LCORL: variants seen among roughly 807,000 people sequenced by gnomAD.
LCORL encodes ligand dependent nuclear receptor corepressor like, also known as ligand-dependent nuclear receptor corepressor-like protein.
A neutral mutation model predicts 141.8 loss-of-function variants in LCORL; 41 were observed. The ratio of observed to expected loss-of-function variants is 0.29; its 90% CI spans 0.23 to 0.38. LCORL has a LOEUF of 0.38. Ranked by LOEUF, LCORL falls within the 10% of genes least tolerant of loss-of-function variation. The probability of loss-of-function intolerance (pLI) is 1.00; values close to 1 mark genes in which losing one functional copy is unlikely to be tolerated. For synonymous variants in LCORL, 618 were observed against 694.1 expected (o/e 0.89, Z 1.72); for missense variants, 1,759 against 2,035.0 (o/e 0.86, Z 2.61).
chr4:18,021,803 G>A lies in LCORL; in HGVS notation c.-52C>T, dbSNP rs1227995459. 3.5e-6 allele frequency: 5 copies of A among 1,418,276 alleles called. No homozygotes were observed. Among genetic ancestry groups the A allele is most frequent in the Non-Finnish European group, 4.6e-6 (5 of 1,094,526 alleles). The allele number at this position is 1,418,276 out of a possible 1,614,324, so 87.9% of individuals were successfully genotyped here. A position where few individuals can be genotyped will look rare whatever the true frequency, so the allele number is the denominator to read the frequency against. ...TTACATACGAGCAGCGCAGGCACGA[G>A]GCAGGGGCGCGAGCCCTCGGCGCGA... On this transcript the variant is annotated 5_prime_UTR_variant, in exon 1 of 8. Transcript: ENST00000635767. This position sits in a 1 kb window ranked among gnomAD's most constrained non-coding sequence, Gnocchi z 5.5.
chr4:17,981,719 G>A (rs574426610), intron 1 of LCORL, among the ~76,000 whole-genome samples: 215 of 152,196 alleles, frequency 1.4e-3, no homozygotes, highest in Non-Finnish European at 2.5e-3. Context: ...CTCTAGCCTG[G>A]ATGACAGGCT....
intron 7 of LCORL, among the ~76,000 whole-genome samples, chr4:17,865,973 A>T (rs1008160569): frequency 6.6e-6 from 1 of 152,182 alleles, no homozygotes; most frequent in Non-Finnish European, 1.5e-5. Context: ...TTCCAATTTA[A>T]ATCTCCGCCC....
chr4:17,931,737 T>G (rs1308246189), intron 4 of LCORL, among the ~76,000 whole-genome samples: 1 of 152,154 alleles, frequency 6.6e-6, no homozygotes, highest in African/African-American at 2.4e-5. Context: ...AAAAATTTTT[T>G]GTGAATGTTC....
At chr4:17,899,362 G>A (rs1730513808) in intron 5 of LCORL, among the ~76,000 whole-genome samples, 1 of 151,734 alleles carries the variant, frequency 6.6e-6, no homozygotes, top group African/African-American at 2.4e-5. Context: ...CAGGGGGCAA[G>A]CCAAAAAAAA....
At chr4:17,899,278 T>C (rs1730494106) in intron 5 of LCORL, among the ~76,000 whole-genome samples, 1 of 152,198 alleles carries the variant, frequency 6.6e-6, no homozygotes, top group Non-Finnish European at 1.5e-5. Flanking sequence ...TTTCTTTTGT[T>C]TATACATTGA....
chr4:17,950,080 T>C (rs1023327338), intron 4 of LCORL, among the ~76,000 whole-genome samples: 19 of 152,174 alleles, frequency 1.2e-4, no homozygotes, highest in African/African-American at 4.6e-4. Flanking sequence ...TCAACATTAC[T>C]TTTTAAGTGG....
At chr4:17,978,349 A>G (rs1401770594) in intron 1 of LCORL, among the ~76,000 whole-genome samples, 1 of 152,136 alleles carries the variant, frequency 6.6e-6, no homozygotes, top group African/African-American at 2.4e-5. Flanking sequence ...TAATACCAAG[A>G]ACTTGAGAGG....
At chr4:17,916,643 CTTTTTTTT>C (rs1057287592) in intron 4 of LCORL, among the ~76,000 whole-genome samples, 1 of 113,134 alleles carries the variant, frequency 8.8e-6, no homozygotes, top group African/African-American at 3.3e-5. Flanking sequence ...AATTAAATGT[CTTTTTTTT>C]TTTTTTTTTT....
chr4:17,915,333 A>T (rs2109350304), intron 4 of LCORL, among the ~76,000 whole-genome samples: 1 of 152,342 alleles, frequency 6.6e-6, no homozygotes, highest in Non-Finnish European at 1.5e-5. Flanking sequence ...TTGTAGCCTC[A>T]TGAACAAGTG....
chr4:17,879,626 C>T (rs1419498285), intron 6 of LCORL, among the ~76,000 whole-genome samples: 1 of 150,870 alleles, frequency 6.6e-6, no homozygotes, highest in Non-Finnish European at 1.5e-5. Flanking sequence ...GATTCAATTA[C>T]ATAGTTTTAA....
At chr4:18,012,639 C>A (rs1293882980) in intron 1 of LCORL, among the ~76,000 whole-genome samples, 1 of 151,960 alleles carries the variant, frequency 6.6e-6, no homozygotes, top group Non-Finnish European at 1.5e-5. Flanking sequence ...GTTACACATA[C>A]CACATCTCAG....
intron 1 of LCORL, among the ~76,000 whole-genome samples, chr4:17,990,288 T>C (rs1165984551): frequency 2.0e-5 from 3 of 151,776 alleles, no homozygotes; most frequent in Non-Finnish European, 4.4e-5. Context: ...TTAGTACAGA[T>C]GGGGGTTTCA....
intron 5 of LCORL, among the ~76,000 whole-genome samples, chr4:17,896,520 G>C (rs1729951995): frequency 6.6e-6 from 1 of 152,156 alleles, no homozygotes; most frequent in Non-Finnish European, 1.5e-5. Context: ...GACCTCAGGT[G>C]ATCCACCCGC....
At chr4:17,874,758 A>G in exon 7 of LCORL, 1 of 1,233,924 alleles carries the variant, frequency 8.1e-7, no homozygotes, top group East Asian at 3.2e-5. Context: ...ATCCAAGGAT[A>G]CTTCAGAAAT....
exon 8 of LCORL, chr4:17,843,125 A>G (rs1195351987): frequency 1.4e-5 from 8 of 563,828 alleles, no homozygotes; most frequent in South Asian, 2.5e-5. Context: ...TCACTTTGCT[A>G]GATAGCCAAG....
chr4:17,958,855 CT>C (rs986085296), intron 4 of LCORL, among the ~76,000 whole-genome samples: 2 of 151,914 alleles, frequency 1.3e-5, no homozygotes, highest in Non-Finnish European at 2.9e-5. Context: ...AACAAAGTCC[CT>C]GTTATTATGG....
chr4:17,952,438 T>C (rs1711565103), intron 4 of LCORL, among the ~76,000 whole-genome samples: 1 of 149,284 alleles, frequency 6.7e-6, no homozygotes, highest in African/African-American at 2.5e-5. Flanking sequence ...TTTTTTGAGA[T>C]GGGGACTTGT....
intron 5 of LCORL, among the ~76,000 whole-genome samples, chr4:17,894,677 T>C (rs1261397122): frequency 6.6e-6 from 1 of 152,188 alleles, no homozygotes; most frequent in African/African-American, 2.4e-5. Context: ...ACACATCATG[T>C]AGCTTCTGGG....
intron 1 of LCORL, among the ~76,000 whole-genome samples, chr4:17,998,643 C>CT (rs1325846925): frequency 2.0e-5 from 3 of 151,618 alleles, no homozygotes; most frequent in Admixed American, 1.3e-4. Context: ...TCCTGAAGGA[C>CT]TTTTTTTTCT....
Sources: gnomAD v4.1 joint callset for allele counts (sites outside exome capture counted in the v4.1 genomes callset) on GRCh38, gnomAD v4.1.1 for gene constraint, Gnocchi (gnomAD v3.1) non-coding constraint, MANE v1.5 for transcripts, NCBI Gene and HGNC (gene_info 2026-07-23, HGNC 2026-07-21) for gene names.